ACSL6: variants seen among roughly 807,000 people sequenced by gnomAD.
ACSL6 encodes long-chain-fatty-acid--CoA ligase 6.
ACSL6 carries 47 observed loss-of-function variants against 98.2 expected under a neutral mutation model. The ratio of observed to expected loss-of-function variants is 0.48; its 90% CI spans 0.38 to 0.61. The LOEUF (loss-of-function observed/expected upper bound fraction) is 0.61. Among genes scored for constraint, ACSL6 ranks in the 20% least tolerant of loss-of-function variants. The probability of loss-of-function intolerance (pLI) is 0.00; values close to 1 mark genes in which losing one functional copy is unlikely to be tolerated. For missense variants in ACSL6, 761 were observed against 913.4 expected (o/e 0.83, Z 2.15); for synonymous variants, 362 against 336.9 (o/e 1.07, Z -0.82).
At chr5:132,008,186 T>C (rs1290896391) in intron 1 of ACSL6, among the ~76,000 whole-genome samples, 1 of 152,214 alleles carries the variant, frequency 6.6e-6, no homozygotes, top group Non-Finnish European at 1.5e-5. Flanking sequence ...CCTGGAGCTC[T>C]ACCATCTGTC....
At chr5:131,970,934 T>C (rs1753273235) in intron 14 of ACSL6, among the ~76,000 whole-genome samples, 1 of 152,208 alleles carries the variant, frequency 6.6e-6, no homozygotes, top group Admixed American at 6.5e-5. Flanking sequence ...GGTTAGGCCA[T>C]GCTGATGTGG....
chr5:131,987,632 C>G (rs1195164063), intron 7 of ACSL6, among the ~76,000 whole-genome samples: 1 of 152,224 alleles, frequency 6.6e-6, no homozygotes, highest in African/African-American at 2.4e-5. Flanking sequence ...ACAGAAACAT[C>G]CATTCTGCTG....
chr5:132,000,483 G>A (rs1163552487), intron 1 of ACSL6, among the ~76,000 whole-genome samples: 1 of 152,062 alleles, frequency 6.6e-6, no homozygotes, highest in African/African-American at 2.4e-5. Context: ...GCTCTCGGGG[G>A]TCTCACTACT....
intron 2 of ACSL6, among the ~76,000 whole-genome samples, chr5:131,992,915 C>G (rs901326942): frequency 1.3e-5 from 2 of 152,204 alleles, no homozygotes; most frequent in African/African-American, 4.8e-5. Flanking sequence ...AGCAGGTGCT[C>G]TTTTTATTAC....
chr5:132,004,774 C>A (rs967211476), intron 1 of ACSL6, among the ~76,000 whole-genome samples: 2 of 152,164 alleles, frequency 1.3e-5, no homozygotes, highest in African/African-American at 2.4e-5. Flanking sequence ...GGGGAAGGCC[C>A]AACCTCCATT....
At position 131,976,655 on chromosome 5, in the gene ACSL6, A is replaced by G. The variant is rs746933242; in HGVS notation, c.983T>C (p.Val328Ala). 1 of 1,613,996 alleles carries G rather than the reference A, an allele frequency of 6.2e-7. No homozygotes were observed. The highest frequency in any genetic ancestry group is 1.1e-5 in the South Asian group (1 of 91,062). Residue 328 changes from valine to alanine, a missense_variant, in exon 10 of 21, where the codon GTG becomes GCG. Val to Ala is a moderately conservative substitution (Grantham distance 64). Coordinates refer to ENST00000651883, the MANE Select transcript of ACSL6 (RefSeq NM_001009185.3). ...TAATGCTACTTTATTCACCTCTGTCACTTTCAGAAAGCCTGAGAAATCAGC... is the reference window on the plus strand; with the variant it reads ...TAATGCTACTTTATTCACCTCTGTCGCTTTCAGAAAGCCTGAGAAATCAGC... ...VVADFSGFLKVTEKVIFPRQD... is the reference protein window; with the variant it reads ...VVADFSGFLKATEKVIFPRQD...
intron 19 of ACSL6, 43 bp from the exon 20 acceptor site, chr5:131,959,650 T>C (rs1752595377): frequency 6.3e-7 from 1 of 1,580,238 alleles, no homozygotes; most frequent in Non-Finnish European, 8.7e-7. Flanking sequence ...CAAGAACACA[T>C]TTCAAAATGG....
rs1055982916 is a variant in ACSL6, at chr5:131,953,815, T to A, written c.*419A>T. 1 of 195,302 alleles carries A rather than the reference T, an allele frequency of 5.1e-6. No homozygotes were observed. The highest frequency in any genetic ancestry group is 2.3e-5 in the African/African-American group (1 of 43,228). The allele number at this position is 195,302 out of a possible 1,614,324, so 12.1% of individuals were successfully genotyped here. A position where few individuals can be genotyped will look rare whatever the true frequency, so the allele number is the denominator to read the frequency against. ...TCTGATTTAATTGTGATTTTGACAA[T>A]CAGTTACTGAATGAGGTAGTCCACA... is the stretch of plus-strand genomic sequence containing the variant. On this transcript the variant is annotated 3_prime_UTR_variant, in exon 21 of 21. Coordinates refer to ENST00000651883, the MANE Select transcript of ACSL6 (RefSeq NM_001009185.3).
intron 9 of ACSL6, chr5:131,982,162 G>A (rs1276033137): frequency 5.8e-5 from 1 of 17,142 alleles, no homozygotes; most frequent in Non-Finnish European, 1.2e-4. Context: ...TTTTTTTTTT[G>A]AGACGGAGTC....
chr5:131,980,543 C>T (rs1279357648), intron 9 of ACSL6, among the ~76,000 whole-genome samples: 1 of 152,188 alleles, frequency 6.6e-6, no homozygotes, highest in Non-Finnish European at 1.5e-5. Flanking sequence ...ATGATGGGCA[C>T]TTACATGCTC....
intron 11 of ACSL6, 135 bp downstream of exon 11, chr5:131,974,758 C>T (rs772741248): frequency 6.2e-7 from 1 of 1,607,308 alleles, no homozygotes; most frequent in South Asian, 1.1e-5. Context: ...AGGGCCTTAC[C>T]TGCACCATTC....
chr5:131,997,436 T>C (rs1754846463), intron 1 of ACSL6, among the ~76,000 whole-genome samples: 1 of 152,098 alleles, frequency 6.6e-6, no homozygotes, highest in African/African-American at 2.4e-5. Context: ...ACTCCCACAA[T>C]CCATCCTTTC....
intron 20 of ACSL6, among the ~76,000 whole-genome samples, chr5:131,956,927 A>G (rs1357627602): frequency 6.6e-6 from 1 of 152,162 alleles, no homozygotes; most frequent in African/African-American, 2.4e-5. Flanking sequence ...CCTTCCTGAA[A>G]CCATACTCTT....
At position 132,000,304 on chromosome 5, in the gene ACSL6, G is replaced by A. The variant is rs367575494; in HGVS notation, c.50-6053C>T. On this transcript the variant is annotated intron_variant, in intron 1 of 20. Coordinates refer to ENST00000651883, the MANE Select transcript of ACSL6 (RefSeq NM_001009185.3). ...GCTGATCTCCACCACAAGACCCCAG[G>A]GCAGCACACCAGCCCTGCTCTCATG... Among the ~76,000 whole-genome samples, 42 of 152,226 alleles carry A rather than the reference G, an allele frequency of 2.8e-4. No homozygotes were observed. In the South Asian group the frequency reaches 8.5e-3, roughly 31 times the overall value.
In ACSL6 at chr5:131,954,234, T is replaced by A. The variant is rs1482776575; in HGVS notation, c.2169A>T (p.Ter723CysextTer17). ...QIEELYSISM[*>C] ...CACTGAGAAGAACTTTCCTTGAACTTCACATGGAGATTGAGTAAAGCTCTT... is the reference window on the plus strand; with the variant it reads ...CACTGAGAAGAACTTTCCTTGAACTACACATGGAGATTGAGTAAAGCTCTT... The change falls in exon 21 of 21, where the codon TGA becomes TGT. Residue 723 changes from the stop codon to cysteine (C), a stop_lost. Coordinates refer to ENST00000651883, the MANE Select transcript of ACSL6 (RefSeq NM_001009185.3). 6.2e-7 allele frequency: 1 copy of A among 1,610,794 alleles called. No homozygotes were observed. The highest frequency in any genetic ancestry group is 1.1e-5 in the South Asian group (1 of 90,420).
At position 131,994,271 on chromosome 5, in the gene ACSL6, G is replaced by C. The variant is rs1561805734; in HGVS notation, c.50-20C>G. ...CAAACTCTGTTGAAAACAAGAGTCA[G>C]ATAAGGCAAGAGACCTGACGGGCAG... is the stretch of plus-strand genomic sequence containing the variant. On this transcript the variant is annotated intron_variant, in intron 1 of 20. Coordinates refer to ENST00000651883, the MANE Select transcript of ACSL6 (RefSeq NM_001009185.3). The C allele has an allele frequency of 6.3e-7, 1 of 1,586,484 alleles. No homozygotes were observed. The highest frequency in any genetic ancestry group is 8.6e-7 in the Non-Finnish European group (1 of 1,165,404).
At chr5:131,987,037 TACTC>T (rs1754235458) in intron 7 of ACSL6, among the ~76,000 whole-genome samples, 183 bp from the exon 8 acceptor site, 1 of 151,886 alleles carries the variant, frequency 6.6e-6, no homozygotes, top group Non-Finnish European at 1.5e-5. Context: ...CAGTAGGCCT[TACTC>T]CTGCACCAAT....
At chr5:131,991,799 C>G (rs761375337) in intron 2 of ACSL6, among the ~76,000 whole-genome samples, 3 of 133,952 alleles carry the variant, frequency 2.2e-5, no homozygotes, top group African/African-American at 4.9e-5. Flanking sequence ...CCTGCCACCT[C>G]TTGGAACAGC....
rs1318607223 is a variant in ACSL6 at position 131,994,239 on chromosome 5, G to T, written c.62C>A (p.Ser21Ter). The change falls in exon 2 of 21, where the codon TCA (serine) becomes TAA (stop). Residue 21 changes from serine to a stop codon, truncating the protein, a stop_gained. Coordinates refer to ENST00000651883, the MANE Select transcript of ACSL6 (RefSeq NM_001009185.3). LOFTEE classifies it high-confidence loss of function. ...SLWLFVEFVLSLLEKMQTQEI... is the reference protein window; with the variant it reads ...SLWLFVEFVL Reference sequence around the variant, plus strand: ...CTGTGTCTGCATCTTCTCCAGAAGTGAGAGGACAAACTCTGTTGAAAACAA... The same window carrying T: ...CTGTGTCTGCATCTTCTCCAGAAGTTAGAGGACAAACTCTGTTGAAAACAA... 6.2e-7 allele frequency: 1 copy of T among 1,610,886 alleles called. No homozygotes were observed. Among genetic ancestry groups the T allele is most frequent in the Admixed American group, 1.7e-5 (1 of 59,594 alleles).
Sources: allele counts gnomAD v4.1 joint callset (sites outside exome capture counted in the v4.1 genomes callset), GRCh38; gene constraint gnomAD v4.1.1; transcripts MANE v1.5; gene names NCBI Gene and HGNC (gene_info 2026-07-23, HGNC 2026-07-21).